Variants in FMN1 observed in about 807,000 individuals in gnomAD.
FMN1 encodes the protein formin 1, also known as formin-1.
FMN1 carries 110 observed loss-of-function variants against 132.4 expected under a neutral mutation model. That is an observed-to-expected ratio of 0.83 (90% confidence interval 0.71 to 0.97). The LOEUF (loss-of-function observed/expected upper bound fraction) is 0.97. Ranked by LOEUF, FMN1 falls within the 50% of genes least tolerant of loss-of-function variation. The pLI is 0.00. For missense variants in FMN1, 1,792 were observed against 1,705.3 expected, an observed-to-expected ratio of 1.05 and a Z score of -0.90; for synonymous variants, 722 against 651.7, an observed-to-expected ratio of 1.11 and a Z score of -1.64.
chr15:33,144,459 AC>A (rs1474037819), intron 4 of FMN1, among the ~76,000 whole-genome samples: 10 of 151,840 alleles, frequency 6.6e-5, no homozygotes, highest in Non-Finnish European at 1.2e-4. Context: ...ACACGGTGAA[AC>A]CCCCATCTCC....
intron 5 of FMN1, among the ~76,000 whole-genome samples, chr15:33,065,674 C>G (rs1198439738): frequency 6.6e-6 from 1 of 152,118 alleles, no homozygotes; most frequent in African/African-American, 2.4e-5. Flanking sequence ...CTGCCAAAGA[C>G]TTTCATTTTT....
At chr15:32,802,846 A>G (rs1254157609) in intron 18 of FMN1, among the ~76,000 whole-genome samples, 3 of 152,212 alleles carry the variant, frequency 2.0e-5, no homozygotes, top group Admixed American at 6.5e-5. Context: ...GAAGCTTAAC[A>G]TAGGAATAAG....
At chr15:32,839,520 G>A (rs1170382275) in intron 17 of FMN1, among the ~76,000 whole-genome samples, 1 of 152,140 alleles carries the variant, frequency 6.6e-6, no homozygotes, top group African/African-American at 2.4e-5. Context: ...TACATGTGAA[G>A]AGCCATTAGC....
At chr15:33,112,234 TA>T (rs1291611497) in intron 4 of FMN1, among the ~76,000 whole-genome samples, 9 of 152,186 alleles carry the variant, frequency 5.9e-5, no homozygotes, top group South Asian at 2.1e-4. Flanking sequence ...AAGGTATAAT[TA>T]AAGAGATGGT....
At chr15:32,926,329 C>G (rs2060960617) in intron 9 of FMN1, 68 bp from the exon 10 acceptor site, 1 of 855,634 alleles carries the variant, frequency 1.2e-6, no homozygotes, top group Non-Finnish European at 1.8e-6. Context: ...GGACGCACAC[C>G]AAAAACATTA....
At chr15:32,793,069 AAAG>A (rs1457570248) in intron 19 of FMN1, among the ~76,000 whole-genome samples, 7 of 152,178 alleles carry the variant, frequency 4.6e-5, no homozygotes, top group Non-Finnish European at 1.0e-4. Context: ...CATTCTTTTA[AAAG>A]AAGTTAGAAG....
intron 4 of FMN1, among the ~76,000 whole-genome samples, chr15:33,127,684 C>G (rs1418124824): frequency 6.6e-6 from 1 of 152,264 alleles, no homozygotes; most frequent in African/African-American, 2.4e-5. Flanking sequence ...GCTGTGAAAC[C>G]CTCTTTGGAC....
chr15:32,909,562 C>T (rs2060507629), intron 11 of FMN1, among the ~76,000 whole-genome samples: 1 of 152,162 alleles, frequency 6.6e-6, no homozygotes, highest in Non-Finnish European at 1.5e-5. Context: ...CTTAAGGTCC[C>T]AGGGGACATA....
chr15:33,101,626 A>G (rs766194195), intron 4 of FMN1, among the ~76,000 whole-genome samples: 5 of 152,180 alleles, frequency 3.3e-5, no homozygotes, highest in Non-Finnish European at 5.9e-5. Context: ...AATAAATTCT[A>G]TTTTAAACCA....
chr15:33,019,392 C>T (rs2035285631), intron 6 of FMN1, among the ~76,000 whole-genome samples: 1 of 152,214 alleles, frequency 6.6e-6, no homozygotes, highest in Non-Finnish European at 1.5e-5. Context: ...TTCTCCAAGA[C>T]CCCACCAGAC....
chr15:33,174,754 C>CATACACG (rs535992360), intron 3 of FMN1, among the ~76,000 whole-genome samples: 2 of 152,008 alleles, frequency 1.3e-5, no homozygotes, highest in African/African-American at 4.8e-5. Flanking sequence ...TTGCCAGCTC[C>CATACACG]CATACTGTGA....
intron 6 of FMN1, among the ~76,000 whole-genome samples, chr15:33,024,109 A>G (rs2035552129): frequency 6.6e-6 from 1 of 152,172 alleles, no homozygotes; most frequent in African/African-American, 2.4e-5. Flanking sequence ...AAATTTATGG[A>G]AGATAAACTC....
intron 4 of FMN1, among the ~76,000 whole-genome samples, chr15:33,117,128 G>A (rs575009910): frequency 1.3e-5 from 2 of 152,148 alleles, no homozygotes; most frequent in African/African-American, 2.4e-5. Context: ...GAGAGCTTAA[G>A]AACAATGGAG....
In FMN1 at chr15:33,067,494, T is replaced by C. The variant is rs752681528; in HGVS notation, c.2044-2420A>G. On this transcript the variant is annotated intron_variant, in intron 5 of 20. Transcript: ENST00000616417. ...CCACGAACACAAATGACATCGTCTT[T>C]TGTCCCTTTCAAAGTAGACAGTGGA... The C allele has an allele frequency of 3.1e-6, 5 of 1,614,032 alleles. No homozygotes were observed. In the Admixed American group the frequency reaches 6.7e-5, roughly 22 times the overall value.
At chr15:33,119,367 G>A (rs1595514039) in intron 4 of FMN1, among the ~76,000 whole-genome samples, 1 of 152,206 alleles carries the variant, frequency 6.6e-6, no homozygotes, top group African/African-American at 2.4e-5. Context: ...AGGGTGGGGA[G>A]CCTGTGGTAA....
At chr15:32,957,406 G>A (rs895551767) in intron 9 of FMN1, among the ~76,000 whole-genome samples, 1 of 144,770 alleles carries the variant, frequency 6.9e-6, no homozygotes, top group Non-Finnish European at 1.5e-5. Context: ...CCTTGCTCAG[G>A]AACAAATGTC....
chr15:32,777,352 T>C (rs560767116), intron 19 of FMN1, among the ~76,000 whole-genome samples: 55 of 151,718 alleles, frequency 3.6e-4, no homozygotes, highest in African/African-American at 1.2e-3. Context: ...TGATAACCTA[T>C]AGAATGGGAA....
At position 33,119,320 on chromosome 15, in the gene FMN1, C is replaced by A. The variant is rs151241595; in HGVS notation, c.1868-30346G>T. Among the ~76,000 whole-genome samples the A allele has an allele frequency of 3.0e-3, 453 of 152,262 alleles. 3 individuals are homozygous for A. Among genetic ancestry groups the A allele is most frequent in the South Asian group, 6.4e-3 (31 of 4,830 alleles). ...GGGAACTGAAATGGACTGTCCATAT[C>A]TTGGGCTACAGTGGTAGCAGGCACC... On this transcript the variant is annotated intron_variant, in intron 4 of 20. Transcript: ENST00000616417.
intron 7 of FMN1, among the ~76,000 whole-genome samples, chr15:32,981,141 C>T (rs1019547616): frequency 1.3e-5 from 2 of 151,994 alleles, no homozygotes; most frequent in African/African-American, 2.4e-5. Context: ...CCATTTGTAA[C>T]TATTTTGTAA....
Sources: allele counts gnomAD v4.1 joint callset (sites outside exome capture counted in the v4.1 genomes callset), GRCh38; gene constraint gnomAD v4.1.1; transcripts MANE v1.5; gene names NCBI Gene and HGNC (gene_info 2026-07-23, HGNC 2026-07-21).